Variants in NELL1 observed in about 807,000 individuals in gnomAD.
The protein encoded by NELL1 is protein kinase C-binding protein NELL1.
Under a neutral mutation model 107.4 loss-of-function variants are expected in NELL1, and 76 were observed. The ratio of observed to expected loss-of-function variants is 0.71; its 90% confidence interval spans 0.59 to 0.86. The LOEUF is 0.86. Among genes scored for constraint, NELL1 ranks in the 40% least tolerant of loss-of-function variants. The pLI is 0.00. For synonymous variants in NELL1, 353 were observed against 341.2 expected (o/e 1.03, Z -0.38); for missense variants, 1,024 against 1,005.5 (o/e 1.02, Z -0.25).
chr11:21,216,513 C>G (rs982850236), intron 13 of NELL1, among the ~76,000 whole-genome samples: 2 of 152,192 alleles, frequency 1.3e-5, no homozygotes, highest in African/African-American at 4.8e-5. Flanking sequence ...GGTGCTGTAC[C>G]TTGCAAAGCC....
At chr11:20,766,752 T>TG (rs1313896426) in intron 2 of NELL1, among the ~76,000 whole-genome samples, 2 of 152,020 alleles carry the variant, frequency 1.3e-5, no homozygotes, top group African/African-American at 4.8e-5. Context: ...TTTTTTTTTT[T>TG]TTTTGTTTCA....
chr11:21,193,943 A>G (rs1388628964), intron 13 of NELL1, among the ~76,000 whole-genome samples: 1 of 151,794 alleles, frequency 6.6e-6, no homozygotes, highest in African/African-American at 2.4e-5. Context: ...AATGGGTTTC[A>G]TCTTTGAGGA....
chr11:20,740,647 A>G (rs1272475818), intron 2 of NELL1, among the ~76,000 whole-genome samples: 1 of 152,184 alleles, frequency 6.6e-6, no homozygotes, highest in Admixed American at 6.5e-5. Flanking sequence ...TTAGCCTTAA[A>G]TAACTTTTCT....
intron 14 of NELL1, among the ~76,000 whole-genome samples, chr11:21,347,707 A>C (rs745447667): frequency 2.6e-5 from 4 of 152,220 alleles, no homozygotes; most frequent in African/African-American, 4.8e-5. Context: ...TTATGGACAT[A>C]TATAAAATTA....
intron 3 of NELL1, among the ~76,000 whole-genome samples, chr11:20,814,508 A>T (rs2896612): frequency 0.027 from 4,179 of 152,258 alleles, 185 homozygotes; most frequent in African/African-American, 0.095. Context: ...GTCCATATGT[A>T]CCCAATGTTC....
At chr11:20,730,321 C>G (rs911797103) in intron 2 of NELL1, among the ~76,000 whole-genome samples, 3 of 152,102 alleles carry the variant, frequency 2.0e-5, no homozygotes, top group African/African-American at 7.2e-5. Context: ...CATCAGTGAG[C>G]CTGTAAACTG....
At position 21,395,489 on chromosome 11, in the gene NELL1, A is replaced by G. The variant is rs573761511; in HGVS notation, c.1645+24541A>G. Among the ~76,000 whole-genome samples, 5 of 151,720 alleles carry G rather than the reference A, an allele frequency of 3.3e-5. No individual in the cohort carries two copies. The South Asian group carries it at 1.0e-3, about 31-fold the overall frequency. ...TTGGCCAAATAAAACACATGGAAAGAAAGTCCTGTTTTGGTCCCTGGGGCA... is the reference window on the plus strand; with the variant it reads ...TTGGCCAAATAAAACACATGGAAAGGAAGTCCTGTTTTGGTCCCTGGGGCA... On this transcript the variant is annotated intron_variant, in intron 15 of 19. Coordinates refer to ENST00000357134, the MANE Select transcript of NELL1 (RefSeq NM_006157.5).
chr11:21,437,347 C>A (rs1180041334), intron 15 of NELL1, among the ~76,000 whole-genome samples: 1 of 152,100 alleles, frequency 6.6e-6, no homozygotes, highest in Non-Finnish European at 1.5e-5. Context: ...CTGAATTGAT[C>A]ACATTTTCAT....
chr11:21,272,339 G>A (rs1332256662), intron 14 of NELL1, among the ~76,000 whole-genome samples: 1 of 152,220 alleles, frequency 6.6e-6, no homozygotes, highest in East Asian at 1.9e-4. Flanking sequence ...CTGCAAGGCA[G>A]CAGTGAGGCC....
chr11:21,265,742 T>C (rs527493650), intron 14 of NELL1, among the ~76,000 whole-genome samples: 3 of 152,140 alleles, frequency 2.0e-5, no homozygotes, highest in South Asian at 4.1e-4. Flanking sequence ...CTTAAAACTT[T>C]ACTGTCTCTC....
At chr11:21,423,468 C>CA (rs761693905) in intron 15 of NELL1, among the ~76,000 whole-genome samples, 1 of 149,142 alleles carries the variant, frequency 6.7e-6, no homozygotes, top group African/African-American at 2.6e-5. Context: ...TAATAAAAAA[C>CA]AAAAATAAAT....
chr11:21,546,540 A>G (rs537378214), intron 16 of NELL1, among the ~76,000 whole-genome samples: 1 of 152,074 alleles, frequency 6.6e-6, no homozygotes, highest in South Asian at 2.1e-4. Flanking sequence ...TGCTACTCTC[A>G]TAATATAGAA....
Position 20,711,024 on chromosome 11 carries a change from T to C in NELL1, c.184+32964T>C, listed in dbSNP as rs1855100406. On this transcript the variant is annotated intron_variant, in intron 2 of 19. Transcript: ENST00000357134. ...TTGTATTTTTTTGTTTCAATTTGTTTTAGTTCTACTCTGATCTTTGTTATT... is the reference window on the plus strand; with the variant it reads ...TTGTATTTTTTTGTTTCAATTTGTTCTAGTTCTACTCTGATCTTTGTTATT... Among the ~76,000 whole-genome samples the C allele has an allele frequency of 1.3e-5, 2 of 152,188 alleles. 1 individual carries two copies. Among genetic ancestry groups the C allele is most frequent in the South Asian group, 4.1e-4 (2 of 4,838 alleles).
At chr11:21,244,746 G>A (rs1858447779) in intron 14 of NELL1, among the ~76,000 whole-genome samples, 1 of 152,050 alleles carries the variant, frequency 6.6e-6, no homozygotes. Flanking sequence ...CACATAGGTG[G>A]AGCCAGAGAG....
intron 2 of NELL1, among the ~76,000 whole-genome samples, chr11:20,684,029 T>TTTTTTC (rs1176322879): frequency 1.3e-4 from 19 of 151,496 alleles, no homozygotes; most frequent in Admixed American, 1.1e-3. Context: ...CTTTTTTTTT[T>TTTTTTC]TTTTCTGTAG....
intron 14 of NELL1, among the ~76,000 whole-genome samples, chr11:21,333,189 G>T (rs1021376309): frequency 3.9e-5 from 6 of 151,986 alleles, no homozygotes; most frequent in African/African-American, 1.4e-4. Context: ...AGGACATAAG[G>T]ACTAGGATGT....
chr11:21,113,395 C>A (rs931233095), intron 12 of NELL1, among the ~76,000 whole-genome samples, 194 bp from the exon 13 acceptor site: 32 of 152,008 alleles, frequency 2.1e-4, no homozygotes, highest in South Asian at 4.1e-4. Context: ...ATGCATCGTT[C>A]TGGAAACACT....
chr11:21,274,860 A>G (rs1167149888), intron 14 of NELL1, among the ~76,000 whole-genome samples: 1 of 152,228 alleles, frequency 6.6e-6, no homozygotes, highest in Non-Finnish European at 1.5e-5. Context: ...GTGAGAACAA[A>G]GACACAACAT....
At chr11:21,228,660 G>C (rs996145955) in intron 13 of NELL1, among the ~76,000 whole-genome samples, 1 of 125,684 alleles carries the variant, frequency 8.0e-6, no homozygotes, top group Non-Finnish European at 1.6e-5. Context: ...CTCTCATATA[G>C]GTTTGTTTCT....
Sources: gnomAD v4.1 joint callset for allele counts (sites outside exome capture counted in the v4.1 genomes callset) on GRCh38, gnomAD v4.1.1 for gene constraint, MANE v1.5 for transcripts, NCBI Gene and HGNC (gene_info 2026-07-23, HGNC 2026-07-21) for gene names.